ATAD1: variants seen among roughly 807,000 people sequenced by gnomAD.
ATAD1 encodes the protein ATPase family AAA domain containing 1.
ATAD1 carries 18 observed loss-of-function variants against 42.7 expected under a neutral mutation model. The observed-to-expected ratio is 0.42, with a 90% CI of 0.29 to 0.63. The LOEUF (loss-of-function observed/expected upper bound fraction) is 0.63. Among genes scored for constraint, ATAD1 ranks in the 20% least tolerant of loss-of-function variants. ATAD1 has a pLI of 0.19. For synonymous variants in ATAD1, 132 were observed against 143.1 expected (o/e 0.92, Z 0.55); for missense variants, 294 against 440.4 (o/e 0.67, Z 2.98).
chr10:87,811,398 G>A (rs1295365696), intron 2 of ATAD1, among the ~76,000 whole-genome samples: 1 of 151,794 alleles, frequency 6.6e-6, no homozygotes, highest in Non-Finnish European at 1.5e-5. Context: ...TTCTTTAGCT[G>A]TTTTCAGCAG....
intron 4 of ATAD1, 95 bp downstream of exon 4, chr10:87,790,215 A>T: frequency 7.0e-7 from 1 of 1,421,964 alleles, no homozygotes; most frequent in Non-Finnish European, 9.6e-7. Flanking sequence ...TCCTCTTGAG[A>T]ATCTGATTTC....
intron 6 of ATAD1, 34 bp downstream of exon 6, chr10:87,776,287 C>G: frequency 6.5e-7 from 1 of 1,531,092 alleles, no homozygotes; most frequent in Non-Finnish European, 8.9e-7. Flanking sequence ...ACAAAAAAAC[C>G]AACACAAGTT....
upstream of ATAD1, among the ~76,000 whole-genome samples, chr10:87,822,797 A>T (rs1482999447): frequency 6.6e-6 from 1 of 152,170 alleles, no homozygotes; most frequent in African/African-American, 2.4e-5. Context: ...TATAATTGGA[A>T]TGTCTGTAAC....
rs530467116 is a variant in ATAD1, at chr10:87,784,453, T to C, written c.583+17A>G. 5.6e-6 allele frequency: 9 copies of C among 1,609,498 alleles called. No homozygotes were observed. In the East Asian group the frequency reaches 6.7e-5, roughly 12 times the overall value. On this transcript the variant is annotated intron_variant, in intron 5 of 9. Coordinates refer to ENST00000680024, the MANE Select transcript of ATAD1 (RefSeq NM_001321967.2). Reference sequence around the variant, plus strand: ...AAAATGGCCTTTAAAAATACTCATATAGAAAACATAGCATACCTATTTCAT... The same window carrying C: ...AAAATGGCCTTTAAAAATACTCATACAGAAAACATAGCATACCTATTTCAT...
At chr10:87,834,108 A>C (rs1054943310) in intron 1 of ATAD1, among the ~76,000 whole-genome samples, 4 of 152,178 alleles carry the variant, frequency 2.6e-5, no homozygotes. Flanking sequence ...TGATCTTTTG[A>C]ATATTGATCC....
intron 2 of ATAD1, among the ~76,000 whole-genome samples, chr10:87,808,674 T>C (rs184320559): frequency 6.6e-6 from 1 of 152,388 alleles, no homozygotes; most frequent in East Asian, 1.9e-4. Context: ...GGGAGAATCA[T>C]ACAGGTTTTA....
At chr10:87,812,112 C>T (rs1472252516) in intron 2 of ATAD1, among the ~76,000 whole-genome samples, 1 of 152,180 alleles carries the variant, frequency 6.6e-6, no homozygotes, top group African/African-American at 2.4e-5. Context: ...AGGACTGTTG[C>T]AGTCTATCAC....
At chr10:87,802,885 T>C (rs1856768227) in intron 2 of ATAD1, among the ~76,000 whole-genome samples, 1 of 152,248 alleles carries the variant, frequency 6.6e-6, no homozygotes, top group South Asian at 2.1e-4. Flanking sequence ...CAAACTTTTC[T>C]TGGCTACAAG....
intron 1 of ATAD1, among the ~76,000 whole-genome samples, chr10:87,831,653 C>A (rs1857831581): frequency 6.6e-6 from 1 of 152,154 alleles, no homozygotes; most frequent in African/African-American, 2.4e-5. Flanking sequence ...CAGGGCCTTA[C>A]AATTTAACTT....
chr10:87,766,126 G>T (rs893071368), intron 8 of ATAD1, among the ~76,000 whole-genome samples: 1 of 152,134 alleles, frequency 6.6e-6, no homozygotes, highest in Non-Finnish European at 1.5e-5. Flanking sequence ...CATTCTGTTG[G>T]CAAGACTATA....
chr10:87,767,543 A>G (rs1819163), intron 8 of ATAD1, 130 bp downstream of exon 8: 243,153 of 837,582 alleles, frequency 0.29, 36,338 homozygotes, highest in Middle Eastern at 0.33. Context: ...GACCAGTACC[A>G]GTCTGTGGCT....
intron 1 of ATAD1, among the ~76,000 whole-genome samples, chr10:87,838,506 TTACTCCATC>T (rs1468214913): frequency 2.0e-5 from 3 of 150,024 alleles, no homozygotes; most frequent in Admixed American, 6.7e-5. Context: ...TGGAGTGTGC[TTACTCCATC>T]TTACCTAGAG....
At chr10:87,792,624 A>C in intron 3 of ATAD1, 33 bp downstream of exon 3, 2 of 1,448,930 alleles carry the variant, frequency 1.4e-6, no homozygotes. Flanking sequence ...CCCCACCTCT[A>C]AAAAAATCTT....
chr10:87,776,530 G>C (rs548593961), intron 5 of ATAD1, 103 bp from the exon 6 acceptor site: 3 of 820,272 alleles, frequency 3.7e-6, no homozygotes, highest in Middle Eastern at 2.7e-4. Flanking sequence ...GTGCAATGGC[G>C]CAATTACAGC....
rs372591955 is a variant in ATAD1, at chr10:87,766,053, C to A, written c.831+1620G>T. On this transcript the variant is annotated intron_variant, in intron 8 of 9. Transcript: ENST00000680024. ...ATCATGTCACAAAAAAGAAAAAAAACAAAAACAAAAAAACAGAGAGATAAC... is the reference window on the plus strand; with the variant it reads ...ATCATGTCACAAAAAAGAAAAAAAAAAAAAACAAAAAAACAGAGAGATAAC... Among the ~76,000 whole-genome samples the A allele has an allele frequency of 6.1e-3, 919 of 150,964 alleles. 10 individuals are homozygous for A. The highest frequency in any genetic ancestry group is 0.017 in the South Asian group (79 of 4,784).
intron 5 of ATAD1, 57 bp downstream of exon 5, chr10:87,784,413 A>C: frequency 6.6e-7 from 1 of 1,516,408 alleles, no homozygotes; most frequent in Non-Finnish European, 9.1e-7. Flanking sequence ...AAATCTGGTT[A>C]TCTAAATATC....
intron 3 of ATAD1, among the ~76,000 whole-genome samples, chr10:87,792,097 G>A (rs997157570): frequency 2.6e-5 from 4 of 152,226 alleles, no homozygotes; most frequent in Admixed American, 6.5e-5. Flanking sequence ...GCCTGAGACT[G>A]TTGTCCTTAG....
intron 5 of ATAD1, among the ~76,000 whole-genome samples, chr10:87,781,229 C>T (rs1855545874): frequency 6.6e-6 from 1 of 151,406 alleles, no homozygotes; most frequent in African/African-American, 2.4e-5. Context: ...CAGAAAAGAG[C>T]AATTCAAAAA....
chr10:87,805,501 A>G (rs1244460630), intron 2 of ATAD1, among the ~76,000 whole-genome samples: 2 of 152,312 alleles, frequency 1.3e-5, no homozygotes, highest in East Asian at 3.9e-4. Flanking sequence ...TTCTTCAAAC[A>G]TGCCCTAATA....
Sources: allele counts gnomAD v4.1 joint callset (sites outside exome capture counted in the v4.1 genomes callset), GRCh38; gene constraint gnomAD v4.1.1; transcripts MANE v1.5; gene names NCBI Gene and HGNC (gene_info 2026-07-23, HGNC 2026-07-21).